The following OTUD7B variants were observed in gnomAD, a reference collection of about 807,000 sequenced individuals.
The protein encoded by OTUD7B is OTU domain-containing protein 7B.
A neutral mutation model predicts 82.2 loss-of-function variants in OTUD7B; 34 were observed. The ratio of observed to expected loss-of-function variants is 0.41; its 90% CI spans 0.31 to 0.55. OTUD7B has a LOEUF of 0.55. Ranked by LOEUF, OTUD7B falls within the 20% of genes least tolerant of loss-of-function variation. OTUD7B has a pLI of 0.20. For missense variants in OTUD7B, 944 were observed against 1,062.1 expected (o/e 0.89, Z 1.55); for synonymous variants, 398 against 402.7 (o/e 0.99, Z 0.14).
intron 1 of OTUD7B, among the ~76,000 whole-genome samples, chr1:149,982,216 TGCA>T (rs1650802561): frequency 6.7e-6 from 1 of 149,286 alleles, no homozygotes; most frequent in East Asian, 2.0e-4. Flanking sequence ...ACAAAACTCT[TGCA>T]GCAGGTCTCA....
In OTUD7B at chr1:149,949,647, CCTT is replaced by C. The variant is rs781907228; in HGVS notation, c.1102_1104del (p.Lys368del). 6.2e-7 allele frequency: 1 copy of C among 1,614,154 alleles called. No individual in the cohort carries two copies. The highest frequency in any genetic ancestry group is 1.1e-5 in the South Asian group (1 of 91,082). Reference sequence around the variant, plus strand: ...TCAGCACCTTGTTCCTTGGTATTCTCCTTCTGCTCCATGGACACGAGTGCAGAA... The same window carrying C: ...TCAGCACCTTGTTCCTTGGTATTCTCCTGCTCCATGGACACGAGTGCAGAA... On this transcript the variant is annotated inframe_deletion, in exon 9 of 12. Transcript: ENST00000581312.
rs1465007735 is a variant in OTUD7B, at chr1:149,940,457, ATACT to A, written c.*3396_*3399del. ...AGAAGCGGAGGCCTATCCTACAGTA[ATACT>A]TACTCCATTGGAGATGGGGCAGAGA... On this transcript the variant is annotated 3_prime_UTR_variant, in exon 12 of 12. Coordinates refer to ENST00000581312, the MANE Select transcript of OTUD7B (RefSeq NM_020205.4). 4.6e-5 allele frequency: 7 copies of A among 152,222 alleles called. No homozygotes were observed. The highest frequency in any genetic ancestry group is 8.8e-5 in the Non-Finnish European group (6 of 68,038). 9.4% of individuals were successfully genotyped at this position (152,222 alleles called of 1,614,324 possible). A position where few individuals can be genotyped will look rare whatever the true frequency, so the allele number is the denominator to read the frequency against.
intron 2 of OTUD7B, among the ~76,000 whole-genome samples, chr1:149,975,271 C>T (rs1329417516): frequency 1.3e-5 from 2 of 152,190 alleles, no homozygotes; most frequent in African/African-American, 2.4e-5. Context: ...TTCACTCTCA[C>T]AGCACCCTCA....
At chr1:150,035,103 C>T in the OTUD7B span, among the ~76,000 whole-genome samples, 6 of 148,514 alleles carry the variant, frequency 4.0e-5, no homozygotes, top group South Asian at 2.1e-4. Context: ...GAGATCGCGC[C>T]ATTGCACTAC....
chr1:150,042,683 G>A, the OTUD7B span, among the ~76,000 whole-genome samples: 1 of 152,006 alleles, frequency 6.6e-6, no homozygotes, highest in African/African-American at 2.4e-5. Flanking sequence ...CTTCTTGTAA[G>A]AGTCATTTTA....
At position 149,992,190 on chromosome 1, in the gene OTUD7B, A is replaced by G. The variant is rs143208397; in HGVS notation, c.-66-14614T>C. On this transcript the variant is annotated intron_variant, in intron 1 of 11. Coordinates refer to ENST00000581312, the MANE Select transcript of OTUD7B (RefSeq NM_020205.4). ...CACTGAGCTGACATGGCGCCACTGC[A>G]CTCCAGCCTGGCGACACAGCAAGAC... Among the ~76,000 whole-genome samples, 382 of 152,200 alleles carry G rather than the reference A, an allele frequency of 2.5e-3. 2 individuals are homozygous for G. The highest frequency in any genetic ancestry group is 8.7e-3 in the African/African-American group (363 of 41,526).
At chr1:150,037,859 A>G in the OTUD7B span, among the ~76,000 whole-genome samples, 17 of 151,934 alleles carry the variant, frequency 1.1e-4, no homozygotes, top group Non-Finnish European at 2.2e-4. Flanking sequence ...GAATATATTT[A>G]TAAACTGGTA....
At chr1:149,962,363 C>T (rs910220639) in intron 6 of OTUD7B, 8 of 152,182 alleles carry the variant, frequency 5.3e-5, no homozygotes, top group Admixed American at 5.2e-4. Flanking sequence ...AAGGAAGCTT[C>T]CCCAGTTCAT....
chr1:149,943,758 A>G lies in OTUD7B; in HGVS notation c.*99T>C. 1 of 1,242,270 alleles carries G rather than the reference A, an allele frequency of 8.0e-7. No individual in the cohort carries two copies. Among genetic ancestry groups the G allele is most frequent in the Admixed American group, 1.9e-5 (1 of 52,272 alleles). The allele number at this position is 1,242,270 out of a possible 1,614,324, so 77.0% of individuals were successfully genotyped here. A position where few individuals can be genotyped will look rare whatever the true frequency, so the allele number is the denominator to read the frequency against. ...TTCCAGCCAGGCTCCCACAAACATT[A>G]CTGCATTTTCCCCCTCAACATGGGG... is the stretch of plus-strand genomic sequence containing the variant. On this transcript the variant is annotated 3_prime_UTR_variant, in exon 12 of 12. Coordinates refer to ENST00000581312, the MANE Select transcript of OTUD7B (RefSeq NM_020205.4).
intron 1 of OTUD7B, among the ~76,000 whole-genome samples, chr1:149,977,843 A>G (rs1650432456): frequency 6.6e-6 from 1 of 152,184 alleles, no homozygotes; most frequent in Non-Finnish European, 1.5e-5. Context: ...CTGCTTTTCT[A>G]CCATGAGTTT....
At chr1:149,994,218 A>G (rs1385597222) in intron 1 of OTUD7B, among the ~76,000 whole-genome samples, 2 of 152,154 alleles carry the variant, frequency 1.3e-5, no homozygotes, top group Non-Finnish European at 2.9e-5. Flanking sequence ...CAAATGTATT[A>G]TTACCTCATT....
intron 1 of OTUD7B, among the ~76,000 whole-genome samples, chr1:149,979,109 C>T (rs1009680447): frequency 2.6e-5 from 4 of 151,492 alleles, no homozygotes; most frequent in Non-Finnish European, 5.9e-5. Flanking sequence ...CGCAGGGACA[C>T]GATTTCTTCA....
the OTUD7B span, chr1:150,054,853 A>G: frequency 5.5e-6 from 1 of 181,800 alleles, no homozygotes; most frequent in Non-Finnish European, 1.2e-5. Context: ...CCCAGACACC[A>G]GGAACGTGAC....
At chr1:149,978,319 C>T (rs1388561212) in intron 1 of OTUD7B, among the ~76,000 whole-genome samples, 1 of 152,048 alleles carries the variant, frequency 6.6e-6, no homozygotes, top group African/African-American at 2.4e-5. Flanking sequence ...CCAGCCTGGC[C>T]AACATGGCGA....
chr1:150,045,084 C>T, the OTUD7B span, among the ~76,000 whole-genome samples: 1 of 119,922 alleles, frequency 8.3e-6, no homozygotes, highest in South Asian at 2.7e-4. Flanking sequence ...ATTATTTGTT[C>T]TTAAACTAAA....
At chr1:150,056,692 C>T in the OTUD7B span, among the ~76,000 whole-genome samples, 1 of 151,974 alleles carries the variant, frequency 6.6e-6, no homozygotes, top group African/African-American at 2.4e-5. Flanking sequence ...TATATTTTTC[C>T]TAATACCTAA....
At chr1:149,949,231 A>G in intron 9 of OTUD7B, 148 bp from the exon 10 acceptor site, 2 of 610,308 alleles carry the variant, frequency 3.3e-6, no homozygotes, top group South Asian at 4.3e-5. Flanking sequence ...ATTAAAACTA[A>G]TTGGCTAGTT....
chr1:150,030,201 C>T, the OTUD7B span, among the ~76,000 whole-genome samples: 7 of 152,206 alleles, frequency 4.6e-5, no homozygotes, highest in Non-Finnish European at 8.8e-5. Flanking sequence ...TGACCATCAC[C>T]TTGCTCCTTC....
At chr1:150,018,334 G>C in the OTUD7B span, among the ~76,000 whole-genome samples, 4 of 152,154 alleles carry the variant, frequency 2.6e-5, no homozygotes, top group Admixed American at 2.6e-4. Context: ...ATGAAACTGG[G>C]CAGAAAGAGG....
Sources: gnomAD v4.1 joint callset for allele counts (sites outside exome capture counted in the v4.1 genomes callset) on GRCh38, gnomAD v4.1.1 for gene constraint, MANE v1.5 for transcripts, NCBI Gene and HGNC (gene_info 2026-07-23, HGNC 2026-07-21) for gene names.